The following RPS6KC1 variants were observed in gnomAD, a reference collection of about 807,000 sequenced individuals.
RPS6KC1 encodes the protein ribosomal protein S6 kinase C1.
A neutral mutation model predicts 103.8 loss-of-function variants in RPS6KC1; 54 were observed. The ratio of observed to expected loss-of-function variants is 0.52; its 90% CI spans 0.42 to 0.65. The LOEUF is 0.65. Among genes scored for constraint, RPS6KC1 ranks in the 30% least tolerant of loss-of-function variants. The probability of loss-of-function intolerance (pLI) is 0.00; values close to 1 mark genes in which losing one functional copy is unlikely to be tolerated. For synonymous variants in RPS6KC1, 439 were observed against 438.7 expected (o/e 1.00, Z -0.01); for missense variants, 1,151 against 1,253.8 (o/e 0.92, Z 1.24).
chr1:213,261,469 T>C, intron 12 of RPS6KC1, 89 bp from the exon 13 acceptor site: 1 of 1,180,822 alleles, frequency 8.5e-7, no homozygotes, highest in South Asian at 1.3e-5. Flanking sequence ...TCTCTCAGCA[T>C]TAAAAAGGTC....
intron 8 of RPS6KC1, among the ~76,000 whole-genome samples, chr1:213,196,273 A>T (rs574501521): frequency 2.2e-4 from 33 of 152,140 alleles, no homozygotes; most frequent in Non-Finnish European, 4.3e-4. Context: ...GGCTATTTGA[A>T]TATCTTCTTT....
At chr1:213,650,051 G>A in the RPS6KC1 span, among the ~76,000 whole-genome samples, 1 of 152,320 alleles carries the variant, frequency 6.6e-6, no homozygotes, top group South Asian at 2.1e-4. Context: ...GAAGAAGTGA[G>A]TTTGGCCTTG....
intron 8 of RPS6KC1, chr1:213,205,360 C>T (rs2093308374): frequency 4.1e-6 from 4 of 984,596 alleles, no homozygotes. Flanking sequence ...CATGGAACAT[C>T]AGTCATTGTG....
At chr1:213,417,595 G>T in the RPS6KC1 span, among the ~76,000 whole-genome samples, 1 of 152,024 alleles carries the variant, frequency 6.6e-6, no homozygotes, top group Non-Finnish European at 1.5e-5. Context: ...AAGGGAGGTG[G>T]TGGGAACTGC....
chr1:213,334,319 C>T, the RPS6KC1 span, among the ~76,000 whole-genome samples: 1 of 152,152 alleles, frequency 6.6e-6, no homozygotes, highest in Non-Finnish European at 1.5e-5. Context: ...ACCTTTATTA[C>T]ATTCTTCTCA....
the RPS6KC1 span, among the ~76,000 whole-genome samples, chr1:213,631,364 G>A: frequency 1.3e-4 from 18 of 134,612 alleles, no homozygotes; most frequent in Non-Finnish European, 4.6e-5. Context: ...ACCAATCTGG[G>A]GCTCTTTCTA....
chr1:213,363,608 TGCTTGCTTGCTTG>T, the RPS6KC1 span, among the ~76,000 whole-genome samples: 6 of 67,696 alleles, frequency 8.9e-5, 1 homozygote, highest in African/African-American at 4.4e-4. Context: ...CTCGCTCGCT[TGCTTGCTTGCTTG>T]CTTGCTTTCT....
the RPS6KC1 span, among the ~76,000 whole-genome samples, chr1:213,419,234 C>A: frequency 6.6e-6 from 1 of 152,220 alleles, no homozygotes; most frequent in African/African-American, 2.4e-5. Context: ...GAGTGCTCTC[C>A]CTCAGCCAGC....
chr1:213,683,956 T>C, the RPS6KC1 span, among the ~76,000 whole-genome samples: 1 of 152,194 alleles, frequency 6.6e-6, no homozygotes, highest in African/African-American at 2.4e-5. Context: ...AAGAGCCCTC[T>C]TCCCAGCACC....
the RPS6KC1 span, among the ~76,000 whole-genome samples, chr1:213,512,325 G>A: frequency 6.6e-6 from 1 of 152,174 alleles, no homozygotes; most frequent in Non-Finnish European, 1.5e-5. Flanking sequence ...AAAGCCTTCG[G>A]TAACTTGTAC....
the RPS6KC1 span, among the ~76,000 whole-genome samples, chr1:213,507,662 C>A: frequency 1.3e-5 from 2 of 151,424 alleles, no homozygotes; most frequent in African/African-American, 4.9e-5. Flanking sequence ...CGGAATGGTT[C>A]TATTACAGCA....
chr1:213,543,741 C>T, the RPS6KC1 span, among the ~76,000 whole-genome samples: 3 of 152,326 alleles, frequency 2.0e-5, no homozygotes, highest in African/African-American at 4.8e-5. Flanking sequence ...CCACTTTACT[C>T]GGCTAGAATT....
intron 4 of RPS6KC1, among the ~76,000 whole-genome samples, chr1:213,108,499 G>A (rs1290787328): frequency 6.6e-6 from 1 of 152,000 alleles, no homozygotes; most frequent in Non-Finnish European, 1.5e-5. Context: ...TTTAAGTATT[G>A]AAGTCAGCTA....
the RPS6KC1 span, among the ~76,000 whole-genome samples, chr1:213,802,311 A>G: frequency 2.6e-5 from 4 of 152,214 alleles, no homozygotes; most frequent in African/African-American, 9.6e-5. Flanking sequence ...ATCACCTCCT[A>G]CTGGAAAAAG....
the RPS6KC1 span, among the ~76,000 whole-genome samples, chr1:213,381,019 A>C: frequency 6.6e-6 from 1 of 152,154 alleles, no homozygotes; most frequent in Non-Finnish European, 1.5e-5. Context: ...TTGTCATGAC[A>C]ACTCGTAGAG....
intron 6 of RPS6KC1, among the ~76,000 whole-genome samples, chr1:213,160,192 G>C (rs559466564): frequency 1.4e-4 from 21 of 152,158 alleles, no homozygotes; most frequent in African/African-American, 4.8e-4. Flanking sequence ...CTCAAAATGG[G>C]TTTCATCTGA....
chr1:213,809,939 A>C, the RPS6KC1 span, among the ~76,000 whole-genome samples: 1 of 152,278 alleles, frequency 6.6e-6, no homozygotes, highest in Non-Finnish European at 1.5e-5. Context: ...TAGTTGTGAA[A>C]TTTTCACTGC....
the RPS6KC1 span, among the ~76,000 whole-genome samples, chr1:213,795,785 A>C: frequency 6.6e-6 from 1 of 151,108 alleles, no homozygotes; most frequent in African/African-American, 2.4e-5. Flanking sequence ...TTCTCTTCTT[A>C]CTCTTGTGCT....
chr1:213,834,609 T>C, the RPS6KC1 span, among the ~76,000 whole-genome samples: 2 of 152,124 alleles, frequency 1.3e-5, no homozygotes, highest in Non-Finnish European at 2.9e-5. Context: ...TAACAACCTA[T>C]TCTTAAAAGG....
Sources: gnomAD v4.1 joint callset for allele counts (sites outside exome capture counted in the v4.1 genomes callset) on GRCh38, gnomAD v4.1.1 for gene constraint, MANE v1.5 for transcripts, NCBI Gene and HGNC (gene_info 2026-07-23, HGNC 2026-07-21) for gene names.